Variants in SLC22A9 observed in about 807,000 individuals in gnomAD.
SLC22A9 encodes solute carrier family 22 member 9.
Under a neutral mutation model 50.1 loss-of-function variants are expected in SLC22A9, and 64 were observed. The observed-to-expected ratio is 1.28, with a 90% CI of 1.04 to 1.57. The LOEUF (loss-of-function observed/expected upper bound fraction) is 1.57. Ranked by LOEUF, SLC22A9 falls within the 40% of genes most tolerant of loss-of-function variation. SLC22A9 has a pLI of 0.00. For synonymous variants in SLC22A9, 261 were observed against 242.5 expected (o/e 1.08, Z -0.71); for missense variants, 757 against 676.1 (o/e 1.12, Z -1.33).
chr11:63,396,126 C>A (rs1030183846), intron 6 of SLC22A9, among the ~76,000 whole-genome samples: 2 of 152,108 alleles, frequency 1.3e-5, no homozygotes, highest in Admixed American at 6.6e-5. Flanking sequence ...CCCAGGCTAC[C>A]CACCTCCCAG....
intron 6 of SLC22A9, among the ~76,000 whole-genome samples, chr11:63,390,323 T>A (rs946008538): frequency 3.9e-5 from 6 of 152,224 alleles, no homozygotes; most frequent in African/African-American, 1.4e-4. Context: ...TACATTTATG[T>A]CTTTTATCCA....
intron 6 of SLC22A9, among the ~76,000 whole-genome samples, chr11:63,398,650 C>A (rs1053643713): frequency 6.6e-6 from 1 of 152,194 alleles, no homozygotes; most frequent in Non-Finnish European, 1.5e-5. Context: ...TGCTCTCTAT[C>A]CCCCAAGCAC....
intron 6 of SLC22A9, among the ~76,000 whole-genome samples, chr11:63,393,032 T>C (rs1362959387): frequency 1.3e-5 from 2 of 152,176 alleles, no homozygotes; most frequent in Non-Finnish European, 2.9e-5. Context: ...AAAATGATGG[T>C]TTTATTTTCA....
intron 5 of SLC22A9, among the ~76,000 whole-genome samples, chr11:63,381,878 A>G (rs1295493442): frequency 1.3e-5 from 2 of 152,168 alleles, no homozygotes; most frequent in African/African-American, 4.8e-5. Context: ...GGTCCCCATC[A>G]TGGTCTGATT....
intron 5 of SLC22A9, among the ~76,000 whole-genome samples, chr11:63,376,888 C>A (rs1056729766): frequency 5.9e-5 from 9 of 151,728 alleles, no homozygotes; most frequent in Non-Finnish European, 8.8e-5. Context: ...AAAAAAAGAG[C>A]AAGGGATGCA....
chr11:63,408,961 C>T, intron 9 of SLC22A9, 82 bp downstream of exon 9: 2 of 1,418,716 alleles, frequency 1.4e-6, no homozygotes, highest in Non-Finnish European at 9.9e-7. Context: ...CATTTAGGGC[C>T]ACTGTCCTCT....
chr11:63,394,111 C>T (rs1342505581), intron 6 of SLC22A9, among the ~76,000 whole-genome samples: 6 of 152,006 alleles, frequency 3.9e-5, no homozygotes, highest in Non-Finnish European at 7.4e-5. Context: ...GTATGCTTCA[C>T]GAAGTTCTCG....
Position 63,371,255 on chromosome 11 carries a change from C to A in SLC22A9, c.506+17C>A. 1 of 1,566,184 alleles carries A rather than the reference C, an allele frequency of 6.4e-7. No individual in the cohort carries two copies. Among genetic ancestry groups the A allele is most frequent in the Non-Finnish European group, 8.8e-7 (1 of 1,139,424 alleles). On this transcript the variant is annotated intron_variant, in intron 2 of 9. Coordinates refer to ENST00000279178, the MANE Select transcript of SLC22A9 (RefSeq NM_080866.3). ...ATCAGACAGGTGAGTGTGTATGGAA[C>A]ACAGCTCTCTTTAAGGGCATTTTTT...
At chr11:63,371,332 T>C (rs2014356883) in intron 2 of SLC22A9, 94 bp downstream of exon 2, 1 of 1,017,260 alleles carries the variant, frequency 9.8e-7, no homozygotes, top group African/African-American at 1.6e-5. Flanking sequence ...CAAATTACAT[T>C]CTCCTGAGGC....
rs1300292352 is a variant in SLC22A9 at position 63,369,834 on chromosome 11, TAC to T, written c.-222_-221del. On this transcript the variant is annotated 5_prime_UTR_variant, in exon 1 of 10. Transcript: ENST00000279178. ...GGGAGTATCTGAGCAAATTATTTCT[TAC>T]GTGACTTTAGAGAAAACGGCTACCT... 4.1e-6 allele frequency: 2 copies of T among 490,688 alleles called. No homozygotes were observed. The highest frequency in any genetic ancestry group is 2.0e-5 in the African/African-American group (1 of 51,024). 30.4% of individuals were successfully genotyped at this position (490,688 alleles called of 1,614,324 possible).
chr11:63,403,272 G>A (rs915115773), intron 6 of SLC22A9, among the ~76,000 whole-genome samples: 1 of 152,178 alleles, frequency 6.6e-6, no homozygotes, highest in African/African-American at 2.4e-5. Flanking sequence ...ACGATTGGGG[G>A]ATGGCAGATT....
chr11:63,381,247 C>T (rs571334678), intron 5 of SLC22A9, among the ~76,000 whole-genome samples: 21 of 152,220 alleles, frequency 1.4e-4, no homozygotes, highest in Admixed American at 1.2e-3. Flanking sequence ...ACATACATCT[C>T]CTCTGCCCAG....
chr11:63,379,147 G>C (rs879194415), intron 5 of SLC22A9, among the ~76,000 whole-genome samples: 1 of 152,146 alleles, frequency 6.6e-6, no homozygotes, highest in Non-Finnish European at 1.5e-5. Context: ...AACCAAAACA[G>C]CATGGTACTG....
At chr11:63,399,828 G>A (rs1591026278) in intron 6 of SLC22A9, among the ~76,000 whole-genome samples, 1 of 152,050 alleles carries the variant, frequency 6.6e-6, no homozygotes, top group East Asian at 1.9e-4. Flanking sequence ...TAAAATTTCA[G>A]TCATATCAAG....
At chr11:63,388,361 AG>A (rs1324777572) in intron 6 of SLC22A9, among the ~76,000 whole-genome samples, 2 of 149,570 alleles carry the variant, frequency 1.3e-5, no homozygotes, top group Non-Finnish European at 3.0e-5. Context: ...GTTTTTCGAG[AG>A]GTTTTTTTTT....
At chr11:63,402,482 C>T (rs1290793999) in intron 6 of SLC22A9, among the ~76,000 whole-genome samples, 1 of 151,932 alleles carries the variant, frequency 6.6e-6, no homozygotes, top group Admixed American at 6.6e-5. Flanking sequence ...TGTATCTGCT[C>T]TTATGCCAGT....
rs369319238 is a variant in SLC22A9 at position 63,389,121 on chromosome 11, T to C, written c.1073+6844T>C. 2.9e-4 allele frequency among the ~76,000 whole-genome samples: 44 copies of C among 152,284 alleles called. 3 individuals carry two copies. The highest frequency in any genetic ancestry group is 2.3e-3 in the East Asian group (12 of 5,188). On this transcript the variant is annotated intron_variant, in intron 6 of 9. Transcript: ENST00000279178. The stretch of plus-strand genomic sequence containing the variant: ...TTTCAAAAACTAACTTTTAATTTTA[T>C]TGATCATCTGTATTGTGTTATTTAT...
In SLC22A9 at chr11:63,369,855, G is replaced by A; in HGVS notation, c.-202G>A. 1 of 513,716 alleles carries A rather than the reference G, an allele frequency of 1.9e-6. No homozygotes were observed. The highest frequency in any genetic ancestry group is 3.4e-6 in the Non-Finnish European group (1 of 295,196). The allele number at this position is 513,716 out of a possible 1,614,324, so 31.8% of individuals were successfully genotyped here. On this transcript the variant is annotated 5_prime_UTR_variant, in exon 1 of 10. Coordinates refer to ENST00000279178, the MANE Select transcript of SLC22A9 (RefSeq NM_080866.3). ...TTCTTACGTGACTTTAGAGAAAACGGCTACCTATCTGACCCCAAAACGACT... is the reference window on the plus strand; with the variant it reads ...TTCTTACGTGACTTTAGAGAAAACGACTACCTATCTGACCCCAAAACGACT...
intron 8 of SLC22A9, 125 bp from the exon 9 acceptor site, chr11:63,408,549 AAC>A (rs2015079885): frequency 1.2e-6 from 1 of 841,332 alleles, no homozygotes; most frequent in African/African-American, 1.7e-5. Flanking sequence ...GAAAATTTCA[AAC>A]ACAGGAGTAT....
Sources: gnomAD v4.1 joint callset for allele counts (sites outside exome capture counted in the v4.1 genomes callset) on GRCh38, gnomAD v4.1.1 for gene constraint, MANE v1.5 for transcripts, NCBI Gene and HGNC (gene_info 2026-07-23, HGNC 2026-07-21) for gene names.